Variants in SLCO1A2 observed in about 807,000 individuals in gnomAD.
The protein encoded by SLCO1A2 is OATP-1.
In SLCO1A2, 67 loss-of-function variants were observed where a neutral mutation model predicts 69.0. The observed-to-expected ratio is 0.97, with a 90% confidence interval of 0.80 to 1.19. SLCO1A2 has a LOEUF of 1.19. Ranked by LOEUF, SLCO1A2 falls within the 50% of genes most tolerant of loss-of-function variation. The pLI, the probability that SLCO1A2 is intolerant of heterozygous loss-of-function variation, is 0.00. For synonymous variants in SLCO1A2, 260 were observed against 265.9 expected (o/e 0.98, Z 0.22); for missense variants, 787 against 793.7 (o/e 0.99, Z 0.10).
chr12:21,328,065 T>C (rs986028282), intron 2 of SLCO1A2, among the ~76,000 whole-genome samples: 1 of 152,112 alleles, frequency 6.6e-6, no homozygotes, highest in Non-Finnish European at 1.5e-5. Flanking sequence ...GCTCTAATGG[T>C]TTTATAAAAG....
intron 12 of SLCO1A2, among the ~76,000 whole-genome samples, chr12:21,282,119 G>GAAAAAAAAAAAAAAA (rs377032786): frequency 8.6e-6 from 1 of 116,780 alleles, no homozygotes. Flanking sequence ...AGACACATAA[G>GAAAAAAAAAAAAAAA]AAAAAAAAAA....
At chr12:21,418,562 G>C (rs182842414), upstream of SLCO1A2, among the ~76,000 whole-genome samples, 172 of 152,278 alleles carry the variant, frequency 1.1e-3, 1 homozygote, top group Admixed American at 0.011. Context: ...AGACAAGAGA[G>C]AATGAGAGCC....
chr12:21,271,351 T>TTTAA (rs1942794172), intron 14 of SLCO1A2, among the ~76,000 whole-genome samples: 1 of 151,828 alleles, frequency 6.6e-6, no homozygotes, highest in African/African-American at 2.4e-5. Context: ...TATGTTTCTG[T>TTTAA]TTAATTTCTG....
chr12:21,324,670 G>A (rs1464455601), intron 2 of SLCO1A2: 1 of 152,134 alleles, frequency 6.6e-6, no homozygotes, highest in Non-Finnish European at 1.5e-5. Context: ...TTGCTCTAAA[G>A]AATAAATAAT....
At chr12:21,349,924 A>G (rs1215459272) in intron 2 of SLCO1A2, among the ~76,000 whole-genome samples, 1 of 152,188 alleles carries the variant, frequency 6.6e-6, no homozygotes, top group Non-Finnish European at 1.5e-5. Flanking sequence ...TTTAAGTTCC[A>G]TCAAAGTAGA....
At chr12:21,414,315 G>C (rs1018332945) in intron 1 of SLCO1A2, among the ~76,000 whole-genome samples, 15 of 150,742 alleles carry the variant, frequency 1.0e-4, no homozygotes, top group Non-Finnish European at 7.4e-5. Flanking sequence ...TCCAATGTAA[G>C]CTCTTAAAGT....
intron 12 of SLCO1A2, among the ~76,000 whole-genome samples, chr12:21,284,176 G>T (rs1222474330): frequency 6.6e-6 from 1 of 152,080 alleles, no homozygotes; most frequent in Non-Finnish European, 1.5e-5. Context: ...TAAGTGTCCA[G>T]CAATAGATGA....
chr12:21,361,011 C>A (rs1203064363), intron 2 of SLCO1A2, among the ~76,000 whole-genome samples: 2 of 152,176 alleles, frequency 1.3e-5, no homozygotes, highest in African/African-American at 4.8e-5. Flanking sequence ...CTTAAACATC[C>A]CTGTCTGACA....
intron 1 of SLCO1A2, among the ~76,000 whole-genome samples, chr12:21,412,240 G>A (rs2137207084): frequency 6.6e-6 from 1 of 152,156 alleles, no homozygotes; most frequent in South Asian, 2.1e-4. Context: ...AATTAGCTGG[G>A]CATGGTGGCG....
intron 2 of SLCO1A2, among the ~76,000 whole-genome samples, chr12:21,326,218 T>C (rs7315667): frequency 0.32 from 48,007 of 152,128 alleles, 7,728 homozygotes; most frequent in East Asian, 0.35. Context: ...TCCCCAGCCA[T>C]GTGGAACTGT....
upstream of SLCO1A2, among the ~76,000 whole-genome samples, chr12:21,396,328 A>T (rs536298517): frequency 6.6e-6 from 1 of 150,624 alleles, no homozygotes; most frequent in East Asian, 2.0e-4. Context: ...GAGAAAAAAG[A>T]ATAAAAAGAA....
intron 2 of SLCO1A2, among the ~76,000 whole-genome samples, chr12:21,362,495 T>A (rs1938994357): frequency 6.6e-6 from 1 of 152,126 alleles, no homozygotes; most frequent in East Asian, 1.9e-4. Flanking sequence ...CATCAACTAA[T>A]GAGCAAAATA....
chr12:21,315,982 T>C (rs989793971), intron 3 of SLCO1A2, among the ~76,000 whole-genome samples: 11 of 152,192 alleles, frequency 7.2e-5, no homozygotes, highest in Non-Finnish European at 1.3e-4. Context: ...TGGGGAAATA[T>C]AAGCTAAGTG....
Position 21,297,440 on chromosome 12 carries a change from A to T in SLCO1A2, c.1039T>A (p.Tyr347Asn). The change falls in exon 9 of 15, where the codon TAT (tyrosine) becomes AAT (asparagine). Residue 347 changes from tyrosine (Y) to asparagine (N), a missense_variant. Physicochemically the swap from Tyr to Asn is moderately radical, Grantham distance 143. Coordinates refer to ENST00000683939, the MANE Select transcript of SLCO1A2 (RefSeq NM_001386879.1). The part of the protein sequence containing the change: ...SFMPKYLEQQ[Y>N]GISSSDAIFL... ...ATTGCATCTGAAGATGATATTCCAT[A>T]TTGCTGTTCTAGGTATTTAGGCATG... The T allele has an allele frequency of 2.5e-6, 4 of 1,612,718 alleles. No individual in the cohort carries two copies. Among genetic ancestry groups the T allele is most frequent in the Non-Finnish European group, 3.4e-6 (4 of 1,179,062 alleles).
chr12:21,369,996 T>C (rs1211644230), intron 2 of SLCO1A2, among the ~76,000 whole-genome samples: 1 of 152,210 alleles, frequency 6.6e-6, no homozygotes, highest in African/African-American at 2.4e-5. Flanking sequence ...TAAGGTCACA[T>C]CTGGCTATAA....
chr12:21,396,407 G>A (rs1424569943), upstream of SLCO1A2, among the ~76,000 whole-genome samples: 1 of 148,756 alleles, frequency 6.7e-6, no homozygotes, highest in African/African-American at 2.5e-5. Flanking sequence ...TGGTGTACCT[G>A]AAAGTGATGG....
intron 12 of SLCO1A2, among the ~76,000 whole-genome samples, chr12:21,283,749 A>G (rs949712475): frequency 6.6e-6 from 1 of 152,100 alleles, no homozygotes; most frequent in African/African-American, 2.4e-5. Flanking sequence ...CCAATTAACA[A>G]ATGAGCAAAA....
intron 1 of SLCO1A2, among the ~76,000 whole-genome samples, chr12:21,391,741 A>G (rs1298794650): frequency 1.4e-5 from 2 of 141,226 alleles, no homozygotes; most frequent in African/African-American, 2.8e-5. Flanking sequence ...CATTCAAAAG[A>G]AAAAAAAAAA....
At chr12:21,360,064 T>C (rs1938706176) in intron 2 of SLCO1A2, among the ~76,000 whole-genome samples, 1 of 151,744 alleles carries the variant, frequency 6.6e-6, no homozygotes, top group African/African-American at 2.4e-5. Context: ...CTATCTCATC[T>C]GTATAGAATT....
Sources: gnomAD v4.1 joint callset for allele counts (sites outside exome capture counted in the v4.1 genomes callset) on GRCh38, gnomAD v4.1.1 for gene constraint, MANE v1.5 for transcripts, NCBI Gene and HGNC (gene_info 2026-07-23, HGNC 2026-07-21) for gene names.